Variants in TMEM117 observed in about 807,000 individuals in gnomAD.
TMEM117 encodes transmembrane protein 117.
Under a neutral mutation model 52.4 loss-of-function variants are expected in TMEM117, and 27 were observed. The observed-to-expected ratio is 0.51, with a 90% CI of 0.38 to 0.71. The LOEUF (loss-of-function observed/expected upper bound fraction) is 0.71, where lower values mean the gene tolerates loss of function less well. Among genes scored for constraint, TMEM117 ranks in the 30% least tolerant of loss-of-function variants. TMEM117 has a pLI of 0.00. For synonymous variants in TMEM117, 215 were observed against 206.3 expected (o/e 1.04, Z -0.36); for missense variants, 556 against 630.5 (o/e 0.88, Z 1.26).
intron 3 of TMEM117, among the ~76,000 whole-genome samples, chr12:43,969,102 T>A (rs965061141): frequency 3.9e-5 from 6 of 151,968 alleles, no homozygotes; most frequent in African/African-American, 1.5e-4. Flanking sequence ...TAGAAATATC[T>A]TTTTACTTTA....
intron 5 of TMEM117, among the ~76,000 whole-genome samples, chr12:44,233,395 C>A (rs1392566610): frequency 6.6e-6 from 1 of 150,934 alleles, no homozygotes; most frequent in Non-Finnish European, 1.5e-5. Flanking sequence ...TATTTATTTT[C>A]TTGTTTTCTT....
rs570478919 is a variant in TMEM117 at position 44,180,586 on chromosome 12, G to A, written c.511-30704G>A. On this transcript the variant is annotated intron_variant, in intron 4 of 7. Coordinates refer to ENST00000266534, the MANE Select transcript of TMEM117 (RefSeq NM_032256.3). ...ATCTCATTGTTCAATTCCCACCTAT[G>A]AGTGAGAATATGCGGTGTCTGGTTT... Among the ~76,000 whole-genome samples the A allele has an allele frequency of 1.1e-4, 15 of 142,096 alleles. No homozygotes were observed. In the East Asian group the frequency reaches 2.7e-3, roughly 26 times the overall value. 93.2% of individuals were successfully genotyped at this position (142,096 alleles called of 152,430 possible).
intron 2 of TMEM117, among the ~76,000 whole-genome samples, chr12:43,860,952 C>G (rs1383319153): frequency 6.6e-6 from 1 of 152,074 alleles, no homozygotes; most frequent in East Asian, 1.9e-4. Context: ...CTGGCAGTTC[C>G]TTTACTCTTC....
chr12:44,272,535 C>T (rs1950459529), intron 5 of TMEM117, among the ~76,000 whole-genome samples: 1 of 152,048 alleles, frequency 6.6e-6, no homozygotes, highest in Non-Finnish European at 1.5e-5. Context: ...AAGAAAAAAA[C>T]AACCCCATCA....
At chr12:43,853,377 G>A (rs1943344053) in intron 2 of TMEM117, among the ~76,000 whole-genome samples, 2 of 152,292 alleles carry the variant, frequency 1.3e-5, no homozygotes, top group South Asian at 2.1e-4. Context: ...CCAGGTTCAA[G>A]CTCTTCTCCT....
intron 4 of TMEM117, among the ~76,000 whole-genome samples, chr12:44,197,419 T>A (rs901271551): frequency 6.6e-6 from 1 of 152,168 alleles, no homozygotes; most frequent in Non-Finnish European, 1.5e-5. Flanking sequence ...AAGCTACTCA[T>A]TCTTTCAGGC....
chr12:44,139,426 G>T (rs967051568), intron 3 of TMEM117, among the ~76,000 whole-genome samples: 1 of 151,778 alleles, frequency 6.6e-6, no homozygotes, highest in Non-Finnish European at 1.5e-5. Flanking sequence ...AATAGGCTTG[G>T]TATCTCGTAT....
chr12:44,004,268 T>G (rs773614630), intron 3 of TMEM117, among the ~76,000 whole-genome samples: 1 of 152,198 alleles, frequency 6.6e-6, no homozygotes, highest in Non-Finnish European at 1.5e-5. Context: ...TGGAGTGCTC[T>G]TTTGCTGACT....
intron 6 of TMEM117, among the ~76,000 whole-genome samples, chr12:44,339,449 T>C (rs1008891306): frequency 1.3e-5 from 2 of 152,060 alleles, no homozygotes; most frequent in African/African-American, 4.8e-5. Context: ...ATAAGAGATA[T>C]AAAGCAGGAA....
chr12:43,917,079 T>C (rs1012160533), intron 2 of TMEM117, among the ~76,000 whole-genome samples: 3 of 151,868 alleles, frequency 2.0e-5, no homozygotes, highest in Non-Finnish European at 4.4e-5. Context: ...CAAATCTGAT[T>C]TATTGATATA....
At chr12:44,114,920 G>A (rs1948111332) in intron 3 of TMEM117, among the ~76,000 whole-genome samples, 1 of 152,074 alleles carries the variant, frequency 6.6e-6, no homozygotes, top group Admixed American at 6.6e-5. Flanking sequence ...TACAGGCTAT[G>A]AATAAAATAT....
chr12:44,387,944 C>A, intron 7 of TMEM117, 82 bp from the exon 8 acceptor site: 1 of 1,218,178 alleles, frequency 8.2e-7, no homozygotes, highest in Non-Finnish European at 1.1e-6. Context: ...TGTTATTATA[C>A]CATTATCCTC....
intron 6 of TMEM117, among the ~76,000 whole-genome samples, chr12:44,311,969 A>G (rs1403447898): frequency 6.7e-5 from 10 of 150,188 alleles, no homozygotes; most frequent in African/African-American, 1.2e-4. Flanking sequence ...GGCCAGGTCA[A>G]TCCTCCTCTT....
intron 2 of TMEM117, among the ~76,000 whole-genome samples, chr12:43,938,001 G>C (rs897642038): frequency 1.2e-4 from 18 of 151,978 alleles, no homozygotes; most frequent in African/African-American, 4.1e-4. Flanking sequence ...TGCGGCTTGT[G>C]CTCAAGCTCA....
At chr12:44,194,381 C>T (rs1487957523) in intron 4 of TMEM117, among the ~76,000 whole-genome samples, 2 of 152,016 alleles carry the variant, frequency 1.3e-5, no homozygotes, top group African/African-American at 4.8e-5. Context: ...AAATTGGTGG[C>T]AGTAGAATGG....
chr12:44,040,613 C>G (rs1360073630), intron 3 of TMEM117, among the ~76,000 whole-genome samples: 1 of 152,130 alleles, frequency 6.6e-6, no homozygotes, highest in Non-Finnish European at 1.5e-5. Context: ...CACTTCCAAT[C>G]CTTATACACT....
At chr12:43,797,212 G>A in the TMEM117 span, 54 of 1,477,462 alleles carry the variant, frequency 3.7e-5, no homozygotes, top group African/African-American at 7.2e-4. Context: ...CTACAGCTAA[G>A]CCCTCTGGGC....
chr12:43,849,702 C>G (rs977140055), intron 2 of TMEM117, among the ~76,000 whole-genome samples: 2 of 151,878 alleles, frequency 1.3e-5, no homozygotes, highest in African/African-American at 4.8e-5. Context: ...GGCAGTTTCT[C>G]CTTTTTTTCT....
chr12:43,797,373 G>A, the TMEM117 span: 1 of 1,605,470 alleles, frequency 6.2e-7, no homozygotes, highest in Non-Finnish European at 8.5e-7. Context: ...TGAATCCTTG[G>A]GAATCCTCTT....
Sources: gnomAD v4.1 joint callset for allele counts (sites outside exome capture counted in the v4.1 genomes callset) on GRCh38, gnomAD v4.1.1 for gene constraint, MANE v1.5 for transcripts, NCBI Gene and HGNC (gene_info 2026-07-23, HGNC 2026-07-21) for gene names.